Variants in CRACR2A observed in about 807,000 individuals in gnomAD.
CRACR2A encodes EF-hand calcium-binding domain-containing protein 4B.
A neutral mutation model predicts 90.5 loss-of-function variants in CRACR2A; 79 were observed. The observed-to-expected ratio is 0.87, with a 90% confidence interval of 0.73 to 1.05. The LOEUF is 1.05. CRACR2A is among the 50% of genes least tolerant of loss of function. CRACR2A has a pLI of 0.00. For synonymous variants in CRACR2A, 338 were observed against 356.7 expected (o/e 0.95, Z 0.59); for missense variants, 823 against 897.2 (o/e 0.92, Z 1.06).
In CRACR2A at chr12:3,644,528, T is replaced by C. The variant is rs1944651087; in HGVS notation, c.1164+67A>G. 48 of 1,479,294 alleles carry C rather than the reference T, an allele frequency of 3.2e-5. No individual in the cohort carries two copies. In the South Asian group the frequency reaches 5.7e-4, roughly 18 times the overall value. 91.6% of individuals were successfully genotyped at this position (1,479,294 alleles called of 1,614,324 possible). A position where few individuals can be genotyped will look rare whatever the true frequency, so the allele number is the denominator to read the frequency against. The stretch of plus-strand genomic sequence containing the variant: ...GGACATTGCTGGGCCAGTCTCGACA[T>C]GGATCTGGCTGTCCAGTGGACCACA... On this transcript the variant is annotated intron_variant, in intron 12 of 19. Transcript: ENST00000440314.
At chr12:3,636,100 C>T (rs1196718992) in intron 14 of CRACR2A, among the ~76,000 whole-genome samples, 1 of 152,036 alleles carries the variant, frequency 6.6e-6, no homozygotes, top group Admixed American at 6.5e-5. Context: ...TTATAAATAA[C>T]TCTTGCATTC....
At chr12:3,721,384 A>T (rs1946171048) in intron 2 of CRACR2A, among the ~76,000 whole-genome samples, 1 of 125,386 alleles carries the variant, frequency 8.0e-6, no homozygotes, top group Admixed American at 8.0e-5. Flanking sequence ...AAAAAAAAAG[A>T]AAGAAAGAAA....
intron 2 of CRACR2A, among the ~76,000 whole-genome samples, chr12:3,717,590 G>A (rs1026159413): frequency 6.6e-6 from 1 of 152,130 alleles, no homozygotes; most frequent in Admixed American, 6.5e-5. Context: ...AATGATGAGA[G>A]CACACTTTTA....
intron 8 of CRACR2A, among the ~76,000 whole-genome samples, chr12:3,658,239 T>A (rs1294975863): frequency 6.6e-6 from 1 of 152,136 alleles, no homozygotes; most frequent in Admixed American, 6.5e-5. Flanking sequence ...TGGCCCAGCA[T>A]TTACTTCCAA....
intron 2 of CRACR2A, chr12:3,726,899 T>TG (rs1439735837): frequency 1.3e-5 from 2 of 151,320 alleles, no homozygotes; most frequent in Non-Finnish European, 2.9e-5. Context: ...GGCTCACACT[T>TG]GCAATCCCAG....
Position 3,730,566 on chromosome 12 carries a change from C to A in CRACR2A, c.-118+2376G>T, listed in dbSNP as rs535276669. On this transcript the variant is annotated intron_variant, in intron 2 of 19. Coordinates refer to ENST00000440314, the MANE Select transcript of CRACR2A (RefSeq NM_001144958.2). ...ATGACTAAAAACAACCTGTGTTCAT[C>A]AGTAGGGGATTGCTAAATTATGGTA... 583 of 152,284 alleles carry A rather than the reference C, an allele frequency of 3.8e-3. 6 individuals carry two copies. The highest frequency in any genetic ancestry group is 0.013 in the African/African-American group (557 of 41,560). 9.4% of individuals were successfully genotyped at this position (152,284 alleles called of 1,614,324 possible). A position where few individuals can be genotyped will look rare whatever the true frequency, so the allele number is the denominator to read the frequency against.
intron 10 of CRACR2A, among the ~76,000 whole-genome samples, chr12:3,652,986 A>C (rs1233007706): frequency 6.8e-6 from 1 of 147,404 alleles, no homozygotes; most frequent in African/African-American, 2.5e-5. Flanking sequence ...TACCAGGATA[A>C]TTTTTTTTTT....
intron 1 of CRACR2A, among the ~76,000 whole-genome samples, chr12:3,749,799 GT>G (rs1946679258): frequency 5.8e-5 from 1 of 17,220 alleles, no homozygotes. Context: ...GTTTCTTTGT[GT>G]GTGTGTGTGT....
At chr12:3,706,644 G>A (rs1053634159) in intron 3 of CRACR2A, among the ~76,000 whole-genome samples, 3 of 152,230 alleles carry the variant, frequency 2.0e-5, no homozygotes, top group East Asian at 1.9e-4. Flanking sequence ...TCTGTTGCCC[G>A]GGCTGAAGTG....
chr12:3,675,547 C>A (rs1367823136), intron 6 of CRACR2A, among the ~76,000 whole-genome samples: 1 of 152,124 alleles, frequency 6.6e-6, no homozygotes, highest in Non-Finnish European at 1.5e-5. Context: ...TGCTAACTCC[C>A]AAATATGATA....
At chr12:3,721,516 G>C (rs1946174677) in intron 2 of CRACR2A, among the ~76,000 whole-genome samples, 1 of 151,252 alleles carries the variant, frequency 6.6e-6, no homozygotes, top group African/African-American at 2.4e-5. Flanking sequence ...AGGAGTTTGA[G>C]GTTGCAGTAA....
chr12:3,644,079 A>G (rs569737574), intron 12 of CRACR2A, among the ~76,000 whole-genome samples: 2 of 145,186 alleles, frequency 1.4e-5, no homozygotes, highest in South Asian at 2.2e-4. Context: ...CACACACTAC[A>G]TATATATAGA....
chr12:3,629,248 C>A (rs184253429), intron 15 of CRACR2A, among the ~76,000 whole-genome samples: 1 of 152,044 alleles, frequency 6.6e-6, no homozygotes, highest in African/African-American at 2.4e-5. Flanking sequence ...GCAAGGTGAG[C>A]TGCAATCCCA....
chr12:3,715,146 T>C lies in CRACR2A; in HGVS notation c.-117-1829A>G, dbSNP rs150601328. ...TACCAGGTTCCAGGCACTGGGTGCA[T>C]GGGATATGGCGAAGAAGCAAATAGG... On this transcript the variant is annotated intron_variant, in intron 2 of 19. Coordinates refer to ENST00000440314, the MANE Select transcript of CRACR2A (RefSeq NM_001144958.2). Among the ~76,000 whole-genome samples, 92 of 152,326 alleles carry C rather than the reference T, an allele frequency of 6.0e-4. 1 individual carries two copies. The highest frequency in any genetic ancestry group is 2.1e-3 in the African/African-American group (87 of 41,564).
intron 2 of CRACR2A, among the ~76,000 whole-genome samples, chr12:3,714,113 A>G (rs1444072042): frequency 6.6e-6 from 1 of 152,196 alleles, no homozygotes; most frequent in Non-Finnish European, 1.5e-5. Context: ...TCTCATATGC[A>G]CAATTCATGG....
intron 8 of CRACR2A, among the ~76,000 whole-genome samples, chr12:3,658,481 G>A (rs1366889636): frequency 6.6e-6 from 1 of 152,176 alleles, no homozygotes; most frequent in African/African-American, 2.4e-5. Context: ...AGGTTGAGGG[G>A]CAGGAGCAGC....
At chr12:3,677,364 C>A (rs1227084653) in intron 6 of CRACR2A, among the ~76,000 whole-genome samples, 1 of 152,208 alleles carries the variant, frequency 6.6e-6, no homozygotes, top group East Asian at 1.9e-4. Flanking sequence ...TGTGTATCAT[C>A]TTTTACAGAC....
intron 1 of CRACR2A, among the ~76,000 whole-genome samples, chr12:3,749,723 C>G (rs537014407): frequency 6.6e-6 from 1 of 151,650 alleles, no homozygotes; most frequent in South Asian, 2.1e-4. Flanking sequence ...TTTGAAAAGG[C>G]AAAGAAATGA....
chr12:3,727,205 G>A (rs1371221778), intron 2 of CRACR2A: 8 of 151,494 alleles, frequency 5.3e-5, no homozygotes, highest in Middle Eastern at 6.8e-3. Context: ...TAGTATGGGC[G>A]GTGAGAAGAA....
Sources: allele counts gnomAD v4.1 joint callset (sites outside exome capture counted in the v4.1 genomes callset), GRCh38; gene constraint gnomAD v4.1.1; transcripts MANE v1.5; gene names NCBI Gene and HGNC (gene_info 2026-07-23, HGNC 2026-07-21).